MAN1C1: variants seen among roughly 807,000 people sequenced by gnomAD.
MAN1C1 encodes the protein mannosidase alpha class 1C member 1.
A neutral mutation model predicts 71.5 loss-of-function variants in MAN1C1; 49 were observed. The ratio of observed to expected loss-of-function variants is 0.69; its 90% CI spans 0.54 to 0.87. The LOEUF (loss-of-function observed/expected upper bound fraction) is 0.87. Ranked by LOEUF, MAN1C1 falls within the 40% of genes least tolerant of loss-of-function variation. The pLI, the probability that MAN1C1 is intolerant of heterozygous loss-of-function variation, is 0.00. For missense variants in MAN1C1, 743 were observed against 835.0 expected (o/e 0.89, Z 1.36); for synonymous variants, 352 against 343.7 (o/e 1.02, Z -0.27).
chr1:25,743,173 C>T (rs1426982752), intron 2 of MAN1C1, among the ~76,000 whole-genome samples: 2 of 152,164 alleles, frequency 1.3e-5, no homozygotes, highest in Non-Finnish European at 2.9e-5. Flanking sequence ...GTTGCTGGCT[C>T]ATAGCGGCAT....
At chr1:25,712,352 C>A (rs2046625177) in intron 2 of MAN1C1, among the ~76,000 whole-genome samples, 1 of 152,156 alleles carries the variant, frequency 6.6e-6, no homozygotes, top group Non-Finnish European at 1.5e-5. Flanking sequence ...CTGGGGAAGC[C>A]CCTGGGTGGG....
intron 7 of MAN1C1, among the ~76,000 whole-genome samples, chr1:25,767,399 C>A (rs1357811666): frequency 3.6e-4 from 21 of 58,766 alleles, no homozygotes; most frequent in Admixed American, 1.3e-3. Flanking sequence ...ACACACACAC[C>A]CCTACCACCC....
intron 2 of MAN1C1, among the ~76,000 whole-genome samples, chr1:25,689,415 T>A (rs2046277304): frequency 6.6e-6 from 1 of 152,284 alleles, no homozygotes; most frequent in Non-Finnish European, 1.5e-5. Context: ...TTGGAACTAA[T>A]GATATACTCA....
chr1:25,708,651 G>A (rs2744786), intron 2 of MAN1C1, among the ~76,000 whole-genome samples: 12,411 of 152,184 alleles, frequency 0.082, 718 homozygotes, highest in African/African-American at 0.16. Flanking sequence ...TTGGGAGGCC[G>A]AGGCAGGCGG....
At chr1:25,720,935 C>T (rs114258357) in intron 2 of MAN1C1, among the ~76,000 whole-genome samples, 1,528 of 152,278 alleles carry the variant, frequency 0.01, 27 homozygotes, top group African/African-American at 0.033. Context: ...CTGTTCTTTT[C>T]CGATTGAGTT....
intron 1 of MAN1C1, among the ~76,000 whole-genome samples, chr1:25,620,524 T>C (rs950704905): frequency 3.9e-5 from 6 of 152,210 alleles, no homozygotes; most frequent in South Asian, 2.1e-4. Context: ...TGATGGTTGC[T>C]GGAGAATGTC....
At chr1:25,640,305 C>T (rs1294019237) in intron 1 of MAN1C1, among the ~76,000 whole-genome samples, 1 of 152,214 alleles carries the variant, frequency 6.6e-6, no homozygotes, top group Non-Finnish European at 1.5e-5. Context: ...TAAGATCCCT[C>T]TCCCCCATCC....
Position 25,777,044 on chromosome 1 carries a change from T to C in MAN1C1, c.1258-1061T>C, listed in dbSNP as rs553397001. On this transcript the variant is annotated intron_variant, in intron 8 of 11. Coordinates refer to ENST00000374332, the MANE Select transcript of MAN1C1 (RefSeq NM_020379.4). ...CTGATGAGTCTGTGCCCCAGAGCCA[T>C]GTCCATAGAATCAGGTCCACCCTCA... Among the ~76,000 whole-genome samples, 13 of 152,248 alleles carry C rather than the reference T, an allele frequency of 8.5e-5. 1 individual carries two copies. In the South Asian group the frequency reaches 2.7e-3, roughly 32 times the overall value.
intron 1 of MAN1C1, among the ~76,000 whole-genome samples, chr1:25,655,356 C>T (rs866384842): frequency 6.6e-6 from 1 of 152,190 alleles, no homozygotes; most frequent in South Asian, 2.1e-4. Flanking sequence ...TAAAGTTCCC[C>T]TTCTGCAAGG....
chr1:25,665,534 G>A (rs2045910438), intron 1 of MAN1C1, among the ~76,000 whole-genome samples: 1 of 152,142 alleles, frequency 6.6e-6, no homozygotes, highest in African/African-American at 2.4e-5. Context: ...ATAACGCTGT[G>A]TCCCATTACA....
intron 5 of MAN1C1, among the ~76,000 whole-genome samples, chr1:25,758,031 G>C (rs1479387919): frequency 1.3e-5 from 2 of 152,224 alleles, no homozygotes; most frequent in Non-Finnish European, 2.9e-5. Context: ...GTCCTATGTA[G>C]GTTCCATGAA....
At chr1:25,660,367 CTCTAGCTTGG>C (rs1460869421) in intron 1 of MAN1C1, among the ~76,000 whole-genome samples, 25 of 148,050 alleles carry the variant, frequency 1.7e-4, no homozygotes, top group African/African-American at 5.7e-4. Flanking sequence ...CGCCATTGCA[CTCTAGCTTGG>C]GCAACAAGAG....
intron 1 of MAN1C1, among the ~76,000 whole-genome samples, chr1:25,626,600 C>A (rs191297517): frequency 6.6e-6 from 1 of 152,088 alleles, no homozygotes; most frequent in Non-Finnish European, 1.5e-5. Flanking sequence ...CCTCATGATC[C>A]GCCTGCCTCG....
At chr1:25,643,058 T>C (rs1402952155) in intron 1 of MAN1C1, among the ~76,000 whole-genome samples, 1 of 152,072 alleles carries the variant, frequency 6.6e-6, no homozygotes, top group Non-Finnish European at 1.5e-5. Context: ...GTCTAAGATG[T>C]TTAATTAGAC....
intron 6 of MAN1C1, chr1:25,759,613 A>G (rs954401857): frequency 6.6e-6 from 1 of 152,190 alleles, no homozygotes; most frequent in Non-Finnish European, 1.5e-5. Flanking sequence ...CAGCTACCCC[A>G]TGGCTCCCAG....
Position 25,650,850 on chromosome 1 carries a change from A to G in MAN1C1, c.540+32513A>G, listed in dbSNP as rs114390189. Among the ~76,000 whole-genome samples, 735 of 152,328 alleles carry G rather than the reference A, an allele frequency of 4.8e-3. 7 individuals are homozygous for G. The highest frequency in any genetic ancestry group is 0.014 in the African/African-American group (589 of 41,572). ...AGACTTGGTTGTCTCCCTAATCCAC[A>G]AACCCTGTAATTCTCACCTGGAAAA... is the stretch of plus-strand genomic sequence containing the variant. On this transcript the variant is annotated intron_variant, in intron 1 of 11. Transcript: ENST00000374332.
chr1:25,676,929 C>T (rs974776812), intron 1 of MAN1C1, among the ~76,000 whole-genome samples: 56 of 152,262 alleles, frequency 3.7e-4, no homozygotes, highest in Middle Eastern at 3.4e-3. Flanking sequence ...TGGGAGTGGT[C>T]TGCTGGCACC....
rs373660527 is a variant in MAN1C1 at position 25,714,209 on chromosome 1, G to A, written c.637+27673G>A. 3.3e-5 allele frequency among the ~76,000 whole-genome samples: 5 copies of A among 152,330 alleles called. No homozygotes were observed. The East Asian group carries it at 7.7e-4, about 23-fold the overall frequency. ...GTCTCTTCGGTACAAATTGCAGCAA[G>A]CAATCCATTCCCAGGGTAAATGGTC... On this transcript the variant is annotated intron_variant, in intron 2 of 11. Coordinates refer to ENST00000374332, the MANE Select transcript of MAN1C1 (RefSeq NM_020379.4).
chr1:25,752,567 A>T (rs1440508893), intron 4 of MAN1C1, among the ~76,000 whole-genome samples: 1 of 152,192 alleles, frequency 6.6e-6, no homozygotes, highest in Admixed American at 6.5e-5. Context: ...AGTTTTTCCC[A>T]CTATTCTAAA....
Sources: gnomAD v4.1 joint callset for allele counts (sites outside exome capture counted in the v4.1 genomes callset) on GRCh38, gnomAD v4.1.1 for gene constraint, MANE v1.5 for transcripts, NCBI Gene and HGNC (gene_info 2026-07-23, HGNC 2026-07-21) for gene names.